Variants in CADM2 observed in about 807,000 individuals in gnomAD.
CADM2 encodes the protein immunoglobulin superfamily member 4D.
CADM2 carries 12 observed loss-of-function variants against 49.8 expected under a neutral mutation model. The observed-to-expected ratio is 0.24, with a 90% confidence interval of 0.15 to 0.39. The LOEUF (loss-of-function observed/expected upper bound fraction) is 0.39. CADM2 is among the 10% of genes least tolerant of loss of function. The probability of loss-of-function intolerance (pLI) is 1.00; values close to 1 mark genes in which losing one functional copy is unlikely to be tolerated. For synonymous variants in CADM2, 214 were observed against 175.4 expected (o/e 1.22, Z -1.74); for missense variants, 378 against 492.3 (o/e 0.77, Z 2.20).
rs1469137717 is a variant in CADM2 at position 86,068,572 on chromosome 3, G to C, written c.*1789G>C. On this transcript the variant is annotated 3_prime_UTR_variant, in exon 10 of 10. Transcript: ENST00000383699. ...GTATTAATATCAAATGAAAGACAAG[G>C]GTGCTGTATCTTTGATTATTTATCA... 6.6e-6 allele frequency: 1 copy of C among 151,732 alleles called. No individual in the cohort carries two copies. The highest frequency in any genetic ancestry group is 2.4e-5 in the African/African-American group (1 of 41,348). 9.4% of individuals were successfully genotyped at this position (151,732 alleles called of 1,614,324 possible).
chr3:85,451,877 T>C (rs1168670031), intron 1 of CADM2, among the ~76,000 whole-genome samples: 2 of 152,124 alleles, frequency 1.3e-5, no homozygotes, highest in Non-Finnish European at 1.5e-5. Flanking sequence ...TCCTGTGAAA[T>C]GGATGATATG....
chr3:85,814,888 A>G (rs1041378125), intron 3 of CADM2, among the ~76,000 whole-genome samples: 5 of 152,050 alleles, frequency 3.3e-5, no homozygotes, highest in African/African-American at 1.2e-4. Flanking sequence ...AATATAGAAT[A>G]TTCTACCTAT....
intron 1 of CADM2, among the ~76,000 whole-genome samples, chr3:85,467,982 G>T (rs1268516783): frequency 2.0e-5 from 3 of 151,702 alleles, no homozygotes; most frequent in African/African-American, 7.3e-5. Context: ...GTGAAACCCC[G>T]TCTCTACTAA....
intron 1 of CADM2, among the ~76,000 whole-genome samples, chr3:85,393,488 G>A (rs2034618724): frequency 6.6e-6 from 1 of 152,142 alleles, no homozygotes; most frequent in Non-Finnish European, 1.5e-5. Flanking sequence ...GAAGCTCTAA[G>A]AAGGGCTCAG....
intron 1 of CADM2, among the ~76,000 whole-genome samples, chr3:85,237,181 C>T (rs957488143): frequency 1.3e-5 from 2 of 151,842 alleles, no homozygotes; most frequent in South Asian, 4.1e-4. Context: ...AAAGCATTAA[C>T]TACTCAATGA....
intron 2 of CADM2, among the ~76,000 whole-genome samples, chr3:85,738,599 G>A (rs1280420338): frequency 1.3e-5 from 2 of 152,130 alleles, no homozygotes; most frequent in African/African-American, 2.4e-5. Flanking sequence ...TGTGTTTAAT[G>A]AGTATTTCTT....
At chr3:85,325,527 T>A (rs1373354703) in intron 1 of CADM2, among the ~76,000 whole-genome samples, 2 of 152,006 alleles carry the variant, frequency 1.3e-5, no homozygotes, top group African/African-American at 4.8e-5. Flanking sequence ...ATGGCCAACA[T>A]GGCGAAACCC....
intron 3 of CADM2, among the ~76,000 whole-genome samples, chr3:85,836,647 A>G (rs888603131): frequency 6.6e-6 from 1 of 151,574 alleles, no homozygotes; most frequent in Non-Finnish European, 1.5e-5. Flanking sequence ...AATAGAGGGT[A>G]ATGGATACTG....
chr3:85,766,587 T>C (rs181174677), intron 2 of CADM2, among the ~76,000 whole-genome samples: 30 of 152,330 alleles, frequency 2.0e-4, no homozygotes, highest in African/African-American at 7.0e-4. Context: ...TGTACACATT[T>C]TAGTTTTGTG....
At position 85,370,252 on chromosome 3, in the gene CADM2, A is replaced by G. The variant is rs1018735790; in HGVS notation, c.62-356270A>G. ...TAATAATAATAATAATAATAATAAT[A>G]ATAATAAAATTTTAAAAAATAACTT... On this transcript the variant is annotated intron_variant, in intron 1 of 9. Coordinates refer to ENST00000383699, the MANE Select transcript of CADM2 (RefSeq NM_001167675.2). 2.7e-5 allele frequency among the ~76,000 whole-genome samples: 4 copies of G among 147,090 alleles called. No homozygotes were observed. In the East Asian group the frequency reaches 7.9e-4, roughly 29 times the overall value.
chr3:85,090,738 G>A (rs1406019999), intron 1 of CADM2, among the ~76,000 whole-genome samples: 1 of 152,132 alleles, frequency 6.6e-6, no homozygotes, highest in Non-Finnish European at 1.5e-5. Context: ...TGTCAGATTA[G>A]CAGCGGCATT....
intron 1 of CADM2, among the ~76,000 whole-genome samples, chr3:85,617,052 A>T (rs2063819876): frequency 6.6e-6 from 1 of 152,100 alleles, no homozygotes; most frequent in South Asian, 2.1e-4. Flanking sequence ...AACCACAGGG[A>T]ATTTCTCCCC....
chr3:86,030,312 A>G (rs1734408058), intron 8 of CADM2, among the ~76,000 whole-genome samples: 4 of 152,032 alleles, frequency 2.6e-5, no homozygotes, highest in African/African-American at 9.7e-5. Flanking sequence ...GTTATAAAGA[A>G]AGAAACAATG....
In CADM2 at chr3:86,070,606, T is replaced by C. The variant is rs1739778877; in HGVS notation, c.*3823T>C. 1 of 145,286 alleles carries C rather than the reference T, an allele frequency of 6.9e-6. No homozygotes were observed. Among genetic ancestry groups the C allele is most frequent in the Non-Finnish European group, 1.5e-5 (1 of 66,772 alleles). The allele number at this position is 145,286 out of a possible 1,614,324, so 9.0% of individuals were successfully genotyped here. A position where few individuals can be genotyped will look rare whatever the true frequency, so the allele number is the denominator to read the frequency against. ...GCCCAATATTATTTCCCTTTGCAAA[T>C]GGTAATTTCTGATAAAACAATACAA... On this transcript the variant is annotated 3_prime_UTR_variant, in exon 10 of 10. Coordinates refer to ENST00000383699, the MANE Select transcript of CADM2 (RefSeq NM_001167675.2).
At chr3:85,722,380 C>A (rs1376767877) in intron 1 of CADM2, among the ~76,000 whole-genome samples, 1 of 152,184 alleles carries the variant, frequency 6.6e-6, no homozygotes, top group African/African-American at 2.4e-5. Flanking sequence ...TAAGCTCTAA[C>A]TCTATTGCCT....
At chr3:85,687,402 G>A (rs1202818462) in intron 1 of CADM2, among the ~76,000 whole-genome samples, 1 of 151,988 alleles carries the variant, frequency 6.6e-6, no homozygotes, top group Non-Finnish European at 1.5e-5. Flanking sequence ...ACAGACAAAT[G>A]AAAGAATTGT....
Position 85,160,713 on chromosome 3 carries a change from A to T in CADM2, c.61+201045A>T, listed in dbSNP as rs549646155. Among the ~76,000 whole-genome samples, 3 of 152,332 alleles carry T rather than the reference A, an allele frequency of 2.0e-5. No individual in the cohort carries two copies. In the South Asian group the frequency reaches 6.2e-4, roughly 32 times the overall value. ...TTTTCTTTAAGCTTGTACAAATCTT[A>T]TAAATTAACTCTCAAAGAATTGACA... On this transcript the variant is annotated intron_variant, in intron 1 of 9. Coordinates refer to ENST00000383699, the MANE Select transcript of CADM2 (RefSeq NM_001167675.2).
At chr3:85,662,192 A>G (rs377225911) in intron 1 of CADM2, among the ~76,000 whole-genome samples, 1 of 148,132 alleles carries the variant, frequency 6.8e-6, no homozygotes, top group South Asian at 2.1e-4. Flanking sequence ...GTAAACAATT[A>G]CTTTTTCTTT....
At chr3:85,288,240 T>C (rs1158077313) in intron 1 of CADM2, among the ~76,000 whole-genome samples, 1 of 152,022 alleles carries the variant, frequency 6.6e-6, no homozygotes, top group Non-Finnish European at 1.5e-5. Context: ...GTGAGAGAAA[T>C]AGTTCATGGA....
Sources: allele counts gnomAD v4.1 joint callset (sites outside exome capture counted in the v4.1 genomes callset), GRCh38; gene constraint gnomAD v4.1.1; transcripts MANE v1.5; gene names NCBI Gene and HGNC (gene_info 2026-07-23, HGNC 2026-07-21).